ZNF536: variants seen among roughly 807,000 people sequenced by gnomAD.
ZNF536 encodes zinc finger protein 536.
ZNF536 carries 13 observed loss-of-function variants against 84.5 expected under a neutral mutation model. The observed-to-expected ratio is 0.15, with a 90% confidence interval of 0.10 to 0.24. The LOEUF (loss-of-function observed/expected upper bound fraction) is 0.24. Among genes scored for constraint, ZNF536 ranks in the 10% least tolerant of loss-of-function variants. The pLI is 1.00. For missense variants in ZNF536, 1,536 were observed against 1,747.5 expected, an observed-to-expected ratio of 0.88 and a Z score of 2.16; for synonymous variants, 811 against 742.5, an observed-to-expected ratio of 1.09 and a Z score of -1.50.
At chr19:30,647,035 A>C (rs2049500779) in intron 1 of ZNF536, among the ~76,000 whole-genome samples, 2 of 152,172 alleles carry the variant, frequency 1.3e-5, no homozygotes, top group Admixed American at 1.3e-4. Context: ...GCTGGAGATT[A>C]GTCCTTTGTG....
chr19:30,543,755 G>C (rs181244115), intron 3 of ZNF536, among the ~76,000 whole-genome samples: 1 of 152,142 alleles, frequency 6.6e-6, no homozygotes, highest in Non-Finnish European at 1.5e-5. Flanking sequence ...GCCCCACCCC[G>C]TCTAGGCCAA....
chr19:30,626,120 T>C (rs563287585), intron 1 of ZNF536, among the ~76,000 whole-genome samples: 14 of 152,328 alleles, frequency 9.2e-5, no homozygotes, highest in African/African-American at 3.4e-4. Context: ...TCTGTCTCTA[T>C]GGCAAGGAGC....
chr19:30,475,828 C>T (rs1364047524), intron 2 of ZNF536, among the ~76,000 whole-genome samples: 3 of 152,160 alleles, frequency 2.0e-5, no homozygotes. Flanking sequence ...CCCTTTCTCC[C>T]CTGTCTCCCC....
chr19:30,356,715 C>T (rs1345690731), intron 3 of ZNF536, among the ~76,000 whole-genome samples: 2 of 152,222 alleles, frequency 1.3e-5, no homozygotes, highest in African/African-American at 4.8e-5. Context: ...ATAATTTTAA[C>T]TCTAGAGAGA....
intron 1 of ZNF536, among the ~76,000 whole-genome samples, chr19:30,682,634 C>T (rs981779275): frequency 2.0e-5 from 3 of 152,226 alleles, no homozygotes; most frequent in Non-Finnish European, 2.9e-5. Flanking sequence ...TCCCTCCTGA[C>T]GCTGCTTCCT....
rs149389185 is a variant in ZNF536, at chr19:30,317,962, T to G, written c.-120+33821T>G. ...TAGAAGCAATGTTACGCAAAATGCC[T>G]ACGCTGCAGGCTAAGCGACCGAGTG... On this transcript the variant is annotated intron_variant, in intron 2 of 5. Transcript: ENST00000585628. 2.4e-3 allele frequency among the ~76,000 whole-genome samples: 368 copies of G among 152,332 alleles called. 2 individuals are homozygous for G. The highest frequency in any genetic ancestry group is 8.2e-3 in the African/African-American group (340 of 41,568).
intron 2 of ZNF536, among the ~76,000 whole-genome samples, chr19:30,449,025 T>G (rs1304643261): frequency 6.6e-6 from 1 of 152,200 alleles, no homozygotes; most frequent in Non-Finnish European, 1.5e-5. Flanking sequence ...TGTTTGTTCT[T>G]TGGCTCTCCA....
chr19:30,356,495 G>A (rs2048099725), intron 3 of ZNF536, among the ~76,000 whole-genome samples: 1 of 152,218 alleles, frequency 6.6e-6, no homozygotes, highest in Non-Finnish European at 1.5e-5. Context: ...GGAGCACAGA[G>A]GAGGGAGTGA....
chr19:30,551,796 G>C (rs1429054533), intron 4 of ZNF536, among the ~76,000 whole-genome samples: 1 of 152,192 alleles, frequency 6.6e-6, no homozygotes, highest in African/African-American at 2.4e-5. Context: ...TTTGGAAGTA[G>C]GCAGGAAAAG....
chr19:30,566,171 C>T (rs2046339347), intron 1 of ZNF536, among the ~76,000 whole-genome samples: 1 of 152,194 alleles, frequency 6.6e-6, no homozygotes, highest in African/African-American at 2.4e-5. Context: ...TAACCCTGCC[C>T]CACACCCTGA....
intron 3 of ZNF536, among the ~76,000 whole-genome samples, chr19:30,359,804 G>T (rs538957847): frequency 6.6e-6 from 1 of 152,266 alleles, no homozygotes; most frequent in East Asian, 1.9e-4. Flanking sequence ...CCTTCATTTG[G>T]TGGAGGTCCT....
At position 30,438,444 on chromosome 19, in the gene ZNF536, C is replaced by A. The variant is rs374044482; in HGVS notation, c.-2-5117C>A. Among the ~76,000 whole-genome samples, 286 of 152,294 alleles carry A rather than the reference C, an allele frequency of 1.9e-3. 4 individuals carry two copies. Among genetic ancestry groups the A allele is most frequent in the African/African-American group, 6.4e-3 (268 of 41,568 alleles). On this transcript the variant is annotated intron_variant, in intron 1 of 4. Coordinates refer to ENST00000355537, the MANE Select transcript of ZNF536 (RefSeq NM_014717.3). ...GGTGAATAATTTGTGACTCCAGCTC[C>A]TGGGTCACGCAGTGCTGAGTGAAGG...
At position 30,603,545 on chromosome 19, in the gene ZNF536, A is replaced by G. The variant is rs190926504; in HGVS notation, c.169+54031A>G. Among the ~76,000 whole-genome samples the G allele has an allele frequency of 1.5e-4, 23 of 152,312 alleles. No homozygotes were observed. In the East Asian group the frequency reaches 4.2e-3, roughly 28 times the overall value. ...TCTTGGTATTCATTTTATTGCTACT[A>G]TTATCTTATTGAACACTATGGATAT... On this transcript the variant is annotated intron_variant, in intron 1 of 1. Coordinates refer to the ZNF536 transcript ENST00000592773.
At chr19:30,379,496 G>A (rs867302825) in intron 1 of ZNF536, among the ~76,000 whole-genome samples, 16 of 151,798 alleles carry the variant, frequency 1.1e-4, no homozygotes, top group African/African-American at 1.7e-4. Flanking sequence ...GATTCCTGTC[G>A]CCATAAGGAG....
intron 1 of ZNF536, among the ~76,000 whole-genome samples, chr19:30,638,406 G>A (rs2049148950): frequency 6.6e-6 from 1 of 152,212 alleles, no homozygotes; most frequent in Non-Finnish European, 1.5e-5. Context: ...AGCTTCTGGG[G>A]AGGCCTCAGG....
At chr19:30,310,739 C>T (rs902006165) in intron 2 of ZNF536, among the ~76,000 whole-genome samples, 4 of 152,172 alleles carry the variant, frequency 2.6e-5, no homozygotes, top group African/African-American at 9.7e-5. Context: ...AGGCTGTCAG[C>T]GGCTAACCAG....
intron 3 of ZNF536, among the ~76,000 whole-genome samples, chr19:30,357,156 G>C (rs1481447362): frequency 6.6e-6 from 1 of 152,234 alleles, no homozygotes; most frequent in Non-Finnish European, 1.5e-5. Flanking sequence ...GAATGGGTGG[G>C]GAAGGACAGG....
At chr19:30,572,260 A>G (rs2146561826) in intron 1 of ZNF536, among the ~76,000 whole-genome samples, 1 of 152,322 alleles carries the variant, frequency 6.6e-6, no homozygotes. Context: ...GCTGCGTCTC[A>G]CGGGAAGGCA....
At chr19:30,689,766 T>C (rs16964542) in intron 1 of ZNF536, among the ~76,000 whole-genome samples, 25,480 of 152,090 alleles carry the variant, frequency 0.17, 2,273 homozygotes, top group South Asian at 0.22. Flanking sequence ...AATTATAAAG[T>C]CTGCTGCATG....
Sources: allele counts gnomAD v4.1 joint callset (sites outside exome capture counted in the v4.1 genomes callset), GRCh38; gene constraint gnomAD v4.1.1; transcripts MANE v1.5; gene names NCBI Gene and HGNC (gene_info 2026-07-23, HGNC 2026-07-21).